Variants in ANKRD17 observed in about 807,000 individuals in gnomAD.
ANKRD17 encodes the protein ankyrin repeat domain 17, also known as ankyrin repeat domain-containing protein 17.
ANKRD17 carries 19 observed loss-of-function variants against 229.7 expected under a neutral mutation model. That is an observed-to-expected ratio of 0.08 (90% CI 0.06 to 0.12). The LOEUF (loss-of-function observed/expected upper bound fraction) is 0.12. ANKRD17 is among the 10% of genes least tolerant of loss of function. The pLI is 1.00. For synonymous variants in ANKRD17, 1,112 were observed against 1,146.1 expected (o/e 0.97, Z 0.60); for missense variants, 2,176 against 3,176.8 (o/e 0.68, Z 7.57).
At chr4:73,104,173 C>G (rs1724340081) in intron 24 of ANKRD17, 1 of 152,176 alleles carries the variant, frequency 6.6e-6, no homozygotes, top group Non-Finnish European at 1.5e-5. Flanking sequence ...TTCTGCTGGA[C>G]TCCCAGAAAG....
In ANKRD17 at chr4:73,175,060, G is replaced by A. The variant is rs367907584; in HGVS notation, c.547+2320C>T. 5.9e-5 allele frequency among the ~76,000 whole-genome samples: 9 copies of A among 152,274 alleles called. 1 individual carries two copies. In the East Asian group the frequency reaches 1.3e-3, roughly 23 times the overall value. On this transcript the variant is annotated intron_variant, in intron 2 of 33. Coordinates refer to ENST00000358602, the MANE Select transcript of ANKRD17 (RefSeq NM_032217.5). ...AATACTAATGACATTATTTACAGAA[G>A]TAGAAAAAGCAATCTATATTGGTCT... is the stretch of plus-strand genomic sequence containing the variant.
rs1172714757 is a variant in ANKRD17 at position 73,121,009 on chromosome 4, C to T, written c.3721G>A (p.Gly1241Ser). Residue 1241 changes from glycine to serine, a missense_variant, in exon 20 of 34, where the codon GGC (glycine) becomes AGC (serine). Gly to Ser is a moderately conservative substitution (Grantham distance 56). Transcript: ENST00000358602. ...TAAVKLLLDM[G>S]SDINAQIETN... ...TCTATCTGAGCATTTATGTCAGAGC[C>T]CATGTCTAACAGGAGCTTAACAGCA... The T allele has an allele frequency of 1.2e-6, 2 of 1,613,826 alleles. No individual in the cohort carries two copies. Among genetic ancestry groups the T allele is most frequent in the Non-Finnish European group, 1.7e-6 (2 of 1,179,902 alleles).
At chr4:73,191,506 AC>A (rs1737104637) in intron 1 of ANKRD17, among the ~76,000 whole-genome samples, 1 of 151,970 alleles carries the variant, frequency 6.6e-6, no homozygotes, top group African/African-American at 2.4e-5. Flanking sequence ...CTGGAAAGAC[AC>A]AAAACCTAGA....
chr4:73,236,336 G>A (rs879636692), intron 1 of ANKRD17, among the ~76,000 whole-genome samples: 7 of 151,972 alleles, frequency 4.6e-5, no homozygotes, highest in Non-Finnish European at 2.9e-5. Context: ...TTAAATTTTT[G>A]TAGAGATGGT....
intron 24 of ANKRD17, chr4:73,113,079 C>T (rs761918558): frequency 2.2e-5 from 26 of 1,175,366 alleles, no homozygotes; most frequent in Middle Eastern, 2.9e-4. Flanking sequence ...TGAGCTACTG[C>T]GCCCAGCCAC....
chr4:73,240,072 A>G (rs1743875492), intron 1 of ANKRD17, among the ~76,000 whole-genome samples: 1 of 152,140 alleles, frequency 6.6e-6, no homozygotes, highest in Non-Finnish European at 1.5e-5. Context: ...AACATTGGAA[A>G]GATAGTGCAA....
At chr4:73,189,120 A>C (rs1311675991) in intron 1 of ANKRD17, among the ~76,000 whole-genome samples, 1 of 152,142 alleles carries the variant, frequency 6.6e-6, no homozygotes, top group Admixed American at 6.5e-5. Context: ...TAAGGAATAG[A>C]GCACTACTTT....
intron 2 of ANKRD17, among the ~76,000 whole-genome samples, chr4:73,173,390 A>C (rs1171852077): frequency 6.6e-6 from 1 of 152,210 alleles, no homozygotes; most frequent in Non-Finnish European, 1.5e-5. Context: ...CAGATCTTCC[A>C]CAGAGAAAAT....
intron 1 of ANKRD17, among the ~76,000 whole-genome samples, chr4:73,239,954 T>C (rs539870188): frequency 6.6e-5 from 10 of 152,216 alleles, no homozygotes; most frequent in African/African-American, 1.9e-4. Context: ...TTGTATCTTA[T>C]ACAAGCTCTT....
Position 73,258,369 on chromosome 4 carries a change from G to T in ANKRD17, c.300C>A (p.Gly100=), listed in dbSNP as rs1300390405. 1 of 1,605,986 alleles carries T rather than the reference G, an allele frequency of 6.2e-7. No homozygotes were observed. The highest frequency in any genetic ancestry group is 1.1e-5 in the South Asian group (1 of 90,258). ...CGCCGCCACCTCCGCCTCCACCGCC[G>T]CCTCCACCGCCGCCGCTGTTGTCGC... The part of the protein sequence containing the change: ...SDSDNSGGGG[G]GGGGGGGGGG... Residue 100 remains glycine, a synonymous_variant, in exon 1 of 34, where the codon GGC becomes GGA. Transcript: ENST00000358602.
At chr4:73,143,914 A>C (rs1729915474) in intron 11 of ANKRD17, among the ~76,000 whole-genome samples, 1 of 151,844 alleles carries the variant, frequency 6.6e-6, no homozygotes, top group South Asian at 2.1e-4. Context: ...CTAATTTTTT[A>C]ATTTTTTGTA....
chr4:73,189,423 T>TTG (rs59634942), intron 1 of ANKRD17, among the ~76,000 whole-genome samples: 9 of 148,646 alleles, frequency 6.1e-5, no homozygotes, highest in African/African-American at 1.2e-4. Flanking sequence ...TTTTTTTTTT[T>TTG]GAAACGGAGT....
At chr4:73,168,884 G>A (rs544124224) in intron 2 of ANKRD17, 2 of 152,250 alleles carry the variant, frequency 1.3e-5, no homozygotes, top group South Asian at 4.1e-4. Flanking sequence ...TTTCATCACC[G>A]AGGTAATGAG....
intron 7 of ANKRD17, among the ~76,000 whole-genome samples, chr4:73,150,299 T>C (rs1222031721): frequency 6.6e-6 from 1 of 152,208 alleles, no homozygotes; most frequent in Non-Finnish European, 1.5e-5. Flanking sequence ...TTCCAGTGCA[T>C]GTTGGCTAGA....
chr4:73,076,849 T>G, intron 33 of ANKRD17, 91 bp downstream of exon 33: 4 of 1,423,382 alleles, frequency 2.8e-6, no homozygotes, highest in Non-Finnish European at 3.8e-6. Context: ...TTCACCAAAC[T>G]CTCTTGCTAT....
chr4:73,091,188 A>G lies in ANKRD17; in HGVS notation c.6440T>C (p.Val2147Ala). Residue 2147 changes from valine (V) to alanine (A), a missense_variant, in exon 29 of 34, where the codon GTG (valine) becomes GCG (alanine). This residue lies in a region of ANKRD17 where 424 missense variants were observed against 454.0 expected (regional missense o/e 0.93). Coordinates refer to ENST00000358602, the MANE Select transcript of ANKRD17 (RefSeq NM_032217.5). ...CACTGGGGCAGTAGAAGGCACCGCC[A>G]CTGGAGCAGAACTTGTTGCTAAAGG... ...VPPLATSSAP[V>A]AVPSTAPVTY... is the part of the protein sequence containing the mutation. The G allele has an allele frequency of 6.2e-7, 1 of 1,614,198 alleles. No homozygotes were observed. Among genetic ancestry groups the G allele is most frequent in the Non-Finnish European group, 8.5e-7 (1 of 1,180,022 alleles).
chr4:73,190,559 C>CAAAAAAAAAAAAAAAA (rs1488814407), intron 1 of ANKRD17, among the ~76,000 whole-genome samples: 1 of 126,640 alleles, frequency 7.9e-6, no homozygotes, highest in Non-Finnish European at 1.7e-5. Context: ...AAAAAAAAAA[C>CAAAAAAAAAAAAAAAA]AAAACAAAAA....
chr4:73,151,597 TTG>T, intron 6 of ANKRD17, 73 bp from the exon 7 acceptor site: 1 of 1,167,358 alleles, frequency 8.6e-7, no homozygotes, highest in Non-Finnish European at 1.2e-6. Context: ...TTATAATATT[TTG>T]AAAAGTTATA....
intron 18 of ANKRD17, among the ~76,000 whole-genome samples, chr4:73,122,689 T>C (rs964464028): frequency 1.1e-4 from 16 of 152,290 alleles, no homozygotes; most frequent in Admixed American, 1.0e-3. Flanking sequence ...TAAATGTTAA[T>C]GAATAGTGGT....
Sources: allele counts gnomAD v4.1 joint callset (sites outside exome capture counted in the v4.1 genomes callset), GRCh38; gene constraint gnomAD v4.1.1; regional missense constraint gnomAD v4.1.1; transcripts MANE v1.5; gene names NCBI Gene and HGNC (gene_info 2026-07-23, HGNC 2026-07-21).